Variants in SPHKAP observed in about 807,000 individuals in gnomAD.
SPHKAP encodes the protein SPHK1 interactor, AKAP domain containing.
A neutral mutation model predicts 137.5 loss-of-function variants in SPHKAP; 67 were observed. That is an observed-to-expected ratio of 0.49 (90% CI 0.40 to 0.60). SPHKAP has a LOEUF of 0.60. Ranked by LOEUF, SPHKAP falls within the 20% of genes least tolerant of loss-of-function variation. The pLI, the probability that SPHKAP is intolerant of heterozygous loss-of-function variation, is 0.00. For missense variants in SPHKAP, 2,097 were observed against 2,069.3 expected, an observed-to-expected ratio of 1.01 and a Z score of -0.26; for synonymous variants, 813 against 785.3, an observed-to-expected ratio of 1.04 and a Z score of -0.59.
intron 2 of SPHKAP, among the ~76,000 whole-genome samples, chr2:228,123,608 A>G (rs1698980482): frequency 6.6e-6 from 1 of 152,218 alleles, no homozygotes. Context: ...AGTACTTCTT[A>G]GCTTCTCAGA....
chr2:228,009,012 A>G (rs181994863), intron 7 of SPHKAP, among the ~76,000 whole-genome samples: 1 of 152,322 alleles, frequency 6.6e-6, no homozygotes, highest in East Asian at 1.9e-4. Flanking sequence ...CTGCAAAATA[A>G]CTTGCTGGGA....
chr2:228,174,383 G>A (rs184069126), intron 1 of SPHKAP, among the ~76,000 whole-genome samples: 1 of 151,972 alleles, frequency 6.6e-6, no homozygotes, highest in Admixed American at 6.6e-5. Context: ...AAGCTATGTG[G>A]CATGAGAAGG....
Position 228,016,829 on chromosome 2 carries a change from G to A in SPHKAP, c.4025C>T (p.Ser1342Leu), listed in dbSNP as rs1167554305. ...DTEPVSGGSP[S>L]QAEKCANRLA... ...TCTATTTGCACACTTCTCTGCTTGC[G>A]AGGGAGAGCCACCAGAAACAGGCTC... Residue 1342 changes from serine to leucine, a missense_variant, in exon 7 of 12, where the codon TCG (serine) becomes TTG (leucine). Ser to Leu is a moderately radical substitution (Grantham distance 145, BLOSUM62 -2). Transcript: ENST00000392056. The A allele has an allele frequency of 5.0e-6, 8 of 1,613,832 alleles. No individual in the cohort carries two copies. The highest frequency in any genetic ancestry group is 4.5e-5 in the East Asian group (2 of 44,870).
intron 11 of SPHKAP, among the ~76,000 whole-genome samples, chr2:227,987,700 G>A (rs1459764250): frequency 1.7e-5 from 2 of 115,156 alleles, no homozygotes; most frequent in Non-Finnish European, 3.9e-5. Flanking sequence ...GCCTTTAGGT[G>A]CCCCCAACTC....
intron 3 of SPHKAP, among the ~76,000 whole-genome samples, chr2:228,030,986 A>C (rs912722542): frequency 6.6e-6 from 1 of 152,190 alleles, no homozygotes; most frequent in Non-Finnish European, 1.5e-5. Context: ...CTGCATTTCT[A>C]TCTGAGGTAC....
chr2:228,061,247 T>A lies in SPHKAP; in HGVS notation c.247-33704A>T, dbSNP rs907031255. On this transcript the variant is annotated intron_variant, in intron 3 of 11. Transcript: ENST00000392056. ...CAATTCACTTTACTATTATTATCAT[T>A]ATTATTTTATTTTATTTATTTTTTA... 2.0e-5 allele frequency among the ~76,000 whole-genome samples: 3 copies of A among 149,904 alleles called. No individual in the cohort carries two copies. The South Asian group carries it at 6.3e-4, about 32-fold the overall frequency.
intron 1 of SPHKAP, among the ~76,000 whole-genome samples, chr2:228,149,156 T>G (rs997827824): frequency 6.6e-6 from 1 of 152,188 alleles, no homozygotes; most frequent in African/African-American, 2.4e-5. Context: ...GAGAGAATTT[T>G]AAGACCACAT....
chr2:227,983,818 G>C (rs1004698501), intron 11 of SPHKAP, among the ~76,000 whole-genome samples: 1 of 152,174 alleles, frequency 6.6e-6, no homozygotes, highest in Non-Finnish European at 1.5e-5. Flanking sequence ...CTAGGAAAAG[G>C]CTGAACAGAG....
At chr2:228,118,327 G>T (rs1423755544) in intron 2 of SPHKAP, among the ~76,000 whole-genome samples, 1 of 148,736 alleles carries the variant, frequency 6.7e-6, no homozygotes, top group Non-Finnish European at 1.5e-5. Flanking sequence ...AAATAAAGCT[G>T]CTATAAACAT....
chr2:228,001,677 G>A (rs765602532), intron 7 of SPHKAP, among the ~76,000 whole-genome samples: 69 of 151,394 alleles, frequency 4.6e-4, no homozygotes, highest in South Asian at 4.2e-4. Flanking sequence ...CCATTAACTC[G>A]TCATTTACAT....
At chr2:228,144,855 G>T (rs1185398061) in intron 1 of SPHKAP, among the ~76,000 whole-genome samples, 2 of 152,110 alleles carry the variant, frequency 1.3e-5, no homozygotes, top group African/African-American at 4.8e-5. Context: ...ACAGTAAAGG[G>T]GACTGATGTG....
At chr2:227,996,285 T>C (rs1428113558) in intron 7 of SPHKAP, 1 of 195,342 alleles carries the variant, frequency 5.1e-6, no homozygotes, top group Non-Finnish European at 9.3e-6. Flanking sequence ...CTGAAACCCC[T>C]GATTTATATC....
intron 3 of SPHKAP, among the ~76,000 whole-genome samples, chr2:228,033,334 C>T (rs918892858): frequency 1.3e-5 from 2 of 152,138 alleles, no homozygotes; most frequent in African/African-American, 2.4e-5. Context: ...GCTAACTATC[C>T]TAAATATATA....
intron 7 of SPHKAP, among the ~76,000 whole-genome samples, chr2:228,015,940 TTTA>T (rs1354246666): frequency 6.6e-6 from 1 of 152,202 alleles, no homozygotes; most frequent in African/African-American, 2.4e-5. Flanking sequence ...AGTTGCATCA[TTTA>T]TTATTAATAT....
At chr2:228,048,516 C>T (rs1017552821) in intron 3 of SPHKAP, among the ~76,000 whole-genome samples, 2 of 152,168 alleles carry the variant, frequency 1.3e-5, no homozygotes, top group African/African-American at 4.8e-5. Flanking sequence ...TCATACACCT[C>T]ATAATGACAT....
At chr2:228,124,445 A>G (rs1279953488) in intron 2 of SPHKAP, among the ~76,000 whole-genome samples, 1 of 152,098 alleles carries the variant, frequency 6.6e-6, no homozygotes, top group Non-Finnish European at 1.5e-5. Flanking sequence ...GACATGGATG[A>G]AGCTGGAAAC....
intron 1 of SPHKAP, among the ~76,000 whole-genome samples, chr2:228,171,739 A>C (rs2106428909): frequency 6.6e-6 from 1 of 152,248 alleles, no homozygotes; most frequent in East Asian, 1.9e-4. Context: ...GGACCCACAC[A>C]CTGTTAATGT....
At chr2:228,168,541 C>T (rs1198061962) in intron 1 of SPHKAP, among the ~76,000 whole-genome samples, 1 of 152,054 alleles carries the variant, frequency 6.6e-6, no homozygotes, top group East Asian at 1.9e-4. Context: ...TTTTGGGGCA[C>T]CACACACCAT....
intron 3 of SPHKAP, among the ~76,000 whole-genome samples, chr2:228,058,996 C>T (rs1284549387): frequency 3.3e-5 from 5 of 152,188 alleles, no homozygotes; most frequent in African/African-American, 4.8e-5. Context: ...GTTCCCTGTT[C>T]CTATAGTTTT....
Sources: gnomAD v4.1 joint callset for allele counts (sites outside exome capture counted in the v4.1 genomes callset) on GRCh38, gnomAD v4.1.1 for gene constraint, MANE v1.5 for transcripts, NCBI Gene and HGNC (gene_info 2026-07-23, HGNC 2026-07-21) for gene names.